Variants in CES5A observed in about 807,000 individuals in gnomAD.
The protein encoded by CES5A is carboxylesterase 5A.
A neutral mutation model predicts 62.9 loss-of-function variants in CES5A; 67 were observed. The ratio of observed to expected loss-of-function variants is 1.07; its 90% CI spans 0.88 to 1.31. The LOEUF (loss-of-function observed/expected upper bound fraction) is 1.31. Among genes scored for constraint, CES5A ranks in the 50% most tolerant of loss-of-function variants. The pLI is 0.00. For missense variants in CES5A, 748 were observed against 708.5 expected (o/e 1.06, Z -0.63); for synonymous variants, 296 against 280.8 (o/e 1.05, Z -0.54).
intron 2 of CES5A, chr16:55,949,723 C>T (rs1174179956): frequency 6.9e-6 from 4 of 582,840 alleles, no homozygotes; most frequent in Non-Finnish European, 1.1e-5. Context: ...GACTGTGAGT[C>T]AGCTGTTGGC....
At chr16:55,928,654 T>C (rs1259837170), upstream of CES5A, among the ~76,000 whole-genome samples, 1 of 152,236 alleles carries the variant, frequency 6.6e-6, no homozygotes, top group African/African-American at 2.4e-5. Flanking sequence ...CCACTGAGAC[T>C]GTGCTCTTGT....
chr16:55,874,244 G>C (rs2033655465), intron 1 of CES5A, among the ~76,000 whole-genome samples: 1 of 152,164 alleles, frequency 6.6e-6, no homozygotes, highest in African/African-American at 2.4e-5. Context: ...CACTGACTTA[G>C]TTTCTCCTAG....
intron 2 of CES5A, among the ~76,000 whole-genome samples, chr16:55,872,305 C>T (rs1472979960): frequency 6.6e-6 from 1 of 152,230 alleles, no homozygotes; most frequent in Non-Finnish European, 1.5e-5. Context: ...TATCTGCGTG[C>T]TCACATTCTT....
intron 10 of CES5A, among the ~76,000 whole-genome samples, chr16:55,852,454 A>G (rs1480073970): frequency 2.0e-5 from 3 of 152,206 alleles, no homozygotes; most frequent in Non-Finnish European, 4.4e-5. Context: ...ATCTAATGTT[A>G]TGGGGTGGAG....
intron 4 of CES5A, 50 bp downstream of exon 4, chr16:55,869,561 C>T (rs759481969): frequency 1.3e-6 from 2 of 1,598,892 alleles, no homozygotes; most frequent in Non-Finnish European, 1.7e-6. Flanking sequence ...ATGGCTACTG[C>T]ACTGCTGCCC....
chr16:55,872,534 G>T (rs2033612992), intron 2 of CES5A, among the ~76,000 whole-genome samples: 1 of 152,208 alleles, frequency 6.6e-6, no homozygotes, highest in Non-Finnish European at 1.5e-5. Context: ...GTACCTCAGA[G>T]CACCAGCACA....
chr16:55,880,852 G>A (rs1242135409), intron 1 of CES5A, among the ~76,000 whole-genome samples: 1 of 152,142 alleles, frequency 6.6e-6, no homozygotes, highest in Non-Finnish European at 1.5e-5. Flanking sequence ...AAATCAGAAG[G>A]CCTCCTAGCA....
At chr16:55,953,339 G>A (rs2034577777) in intron 1 of CES5A, among the ~76,000 whole-genome samples, 1 of 152,000 alleles carries the variant, frequency 6.6e-6, no homozygotes. Context: ...GTAAAGACAA[G>A]AGAAGAAAAT....
At chr16:55,891,939 G>A (rs546113494) in intron 1 of CES5A, among the ~76,000 whole-genome samples, 6 of 152,262 alleles carry the variant, frequency 3.9e-5, no homozygotes, top group Admixed American at 3.9e-4. Flanking sequence ...GCCCTGCAAA[G>A]CCATCCTTTG....
chr16:55,913,116 A>T (rs1036529698), intron 1 of CES5A, among the ~76,000 whole-genome samples: 11 of 152,172 alleles, frequency 7.2e-5, no homozygotes, highest in African/African-American at 2.4e-4. Context: ...GCATTCAGGG[A>T]TCAGAGTTTT....
chr16:55,892,570 C>T (rs1275587455), intron 1 of CES5A, among the ~76,000 whole-genome samples: 1 of 152,038 alleles, frequency 6.6e-6, no homozygotes, highest in East Asian at 1.9e-4. Context: ...AAATGCCTAG[C>T]TTAATACAAA....
At chr16:55,890,276 A>G (rs1463120467) in intron 1 of CES5A, among the ~76,000 whole-genome samples, 1 of 152,216 alleles carries the variant, frequency 6.6e-6, no homozygotes, top group Non-Finnish European at 1.5e-5. Flanking sequence ...AGAAATACCC[A>G]GTTAAGAAAA....
Position 55,890,340 on chromosome 16 carries a change from G to A in CES5A, c.-255-16303C>T, listed in dbSNP as rs553256384. On this transcript the variant is annotated intron_variant, in intron 1 of 12. Transcript: ENST00000518005. ...TCAATGAATATTCAGACATGATTGA[G>A]GGAGCTTAATGTTCCAGATGTGGGC... Among the ~76,000 whole-genome samples, 14 of 151,502 alleles carry A rather than the reference G, an allele frequency of 9.2e-5. No individual in the cohort carries two copies. In the East Asian group the frequency reaches 2.4e-3, roughly 25 times the overall value.
intron 2 of CES5A, chr16:55,944,209 G>A: frequency 1.5e-6 from 1 of 674,120 alleles, no homozygotes. Flanking sequence ...ATAGCTGACA[G>A]TACGACTCTG....
At chr16:55,943,942 A>G (rs910476461) in intron 2 of CES5A, 5 of 684,084 alleles carry the variant, frequency 7.3e-6, no homozygotes, top group African/African-American at 3.5e-5. Flanking sequence ...GGCAGTATTC[A>G]TCTTCTTCTG....
rs555511612 is a variant in CES5A at position 55,887,795 on chromosome 16, A to T, written c.-255-13758T>A. On this transcript the variant is annotated intron_variant, in intron 1 of 12. Transcript: ENST00000518005. ...AGGCCAAATTTACCAGTTGTGGGTT[A>T]AAAAAGGCAGATTTATTAGAGAAAG... Among the ~76,000 whole-genome samples, 4 of 152,300 alleles carry T rather than the reference A, an allele frequency of 2.6e-5. No individual in the cohort carries two copies. In the South Asian group the frequency reaches 6.2e-4, roughly 24 times the overall value.
intron 6 of CES5A, among the ~76,000 whole-genome samples, chr16:55,861,730 G>C (rs1343617371): frequency 2.0e-5 from 3 of 152,156 alleles, no homozygotes; most frequent in African/African-American, 7.2e-5. Context: ...GGCTCTCCTT[G>C]TCATCTTTAG....
intron 7 of CES5A, among the ~76,000 whole-genome samples, chr16:55,860,494 G>A (rs1278482620): frequency 2.6e-5 from 4 of 152,156 alleles, no homozygotes; most frequent in Non-Finnish European, 5.9e-5. Flanking sequence ...TCCTCCAGGT[G>A]ATCCTGATGC....
intron 1 of CES5A, among the ~76,000 whole-genome samples, chr16:55,886,186 C>T (rs983919635): frequency 6.6e-6 from 1 of 152,354 alleles, no homozygotes; most frequent in Non-Finnish European, 1.5e-5. Flanking sequence ...AAACATCCTC[C>T]TGGTGTCCAA....
Sources: gnomAD v4.1 joint callset for allele counts (sites outside exome capture counted in the v4.1 genomes callset) on GRCh38, gnomAD v4.1.1 for gene constraint, MANE v1.5 for transcripts, NCBI Gene and HGNC (gene_info 2026-07-23, HGNC 2026-07-21) for gene names.